The following HEATR1 variants were observed in gnomAD, a reference collection of about 807,000 sequenced individuals.
HEATR1 encodes HEAT repeat containing 1.
In HEATR1, 77 loss-of-function variants were observed where a neutral mutation model predicts 248.2. The ratio of observed to expected loss-of-function variants is 0.31; its 90% CI spans 0.26 to 0.37. The LOEUF (loss-of-function observed/expected upper bound fraction) is 0.37, where lower values mean the gene tolerates loss of function less well. Ranked by LOEUF, HEATR1 falls within the 10% of genes least tolerant of loss-of-function variation. The probability of loss-of-function intolerance (pLI) is 1.00; values close to 1 mark genes in which losing one functional copy is unlikely to be tolerated. For synonymous variants in HEATR1, 897 were observed against 923.1 expected (o/e 0.97, Z 0.51); for missense variants, 2,420 against 2,504.9 (o/e 0.97, Z 0.72).
Position 236,603,288 on chromosome 1 carries a change from C to T in HEATR1, c.231G>A (p.Leu77=). 6.2e-7 allele frequency: 1 copy of T among 1,614,164 alleles called. No homozygotes were observed. The highest frequency in any genetic ancestry group is 1.6e-4 in the Middle Eastern group (1 of 6,062). The change falls in exon 3 of 45, where the codon TTG becomes TTA. Residue 77 remains leucine (L), a synonymous_variant. Transcript: ENST00000366582. ...APLFSQLAKT[L]ERSVQTKAVN... is the part of the protein sequence containing the mutation. ...CTGCTTTGGTCTGAACACTTCGCTCCAAGGTTTTTGCTAGCTGACTGAACA... is the reference window on the plus strand; with the variant it reads ...CTGCTTTGGTCTGAACACTTCGCTCTAAGGTTTTTGCTAGCTGACTGAACA...
intron 5 of HEATR1, 104 bp from the exon 6 acceptor site, chr1:236,597,080 G>T: frequency 1.0e-6 from 1 of 991,442 alleles, no homozygotes; most frequent in Middle Eastern, 3.2e-4. Context: ...AACTATGATG[G>T]CACCACTGTA....
intron 17 of HEATR1, among the ~76,000 whole-genome samples, chr1:236,583,478 ATATT>A (rs1370335512): frequency 1.5e-5 from 2 of 133,582 alleles, no homozygotes; most frequent in African/African-American, 5.3e-5. Context: ...ATAAATAGGC[ATATT>A]TCTTTTTTTT....
At chr1:236,563,698 G>A (rs1047397998) in intron 32 of HEATR1, among the ~76,000 whole-genome samples, 9 of 152,164 alleles carry the variant, frequency 5.9e-5, no homozygotes, top group Non-Finnish European at 1.3e-4. Context: ...GTACTCTAAT[G>A]TCAAACCATT....
intron 8 of HEATR1, 22 bp downstream of exon 8, chr1:236,595,518 C>T: frequency 6.3e-7 from 1 of 1,581,366 alleles, no homozygotes; most frequent in Non-Finnish European, 8.6e-7. Context: ...AATTTCTGGA[C>T]AAAAAATATA....
Position 236,574,171 on chromosome 1 carries a change from T to TA in HEATR1, c.3459+30dup, listed in dbSNP as rs568287056. 7.0e-4 allele frequency: 1,091 copies of TA among 1,568,994 alleles called. 19 individuals are homozygous for TA. In the South Asian group the frequency reaches 0.012, roughly 17 times the overall value. On this transcript the variant is annotated intron_variant, in intron 24 of 44. Coordinates refer to ENST00000366582, the MANE Select transcript of HEATR1 (RefSeq NM_018072.6). ...CCTTGGAAGAGACTATAAACATTAA[T>TA]AAAAAAAATTACAAGAAGTTTGCAG...
At chr1:236,597,720 G>A (rs1239392991) in intron 5 of HEATR1, among the ~76,000 whole-genome samples, 158 bp downstream of exon 5, 2 of 151,088 alleles carry the variant, frequency 1.3e-5, no homozygotes, top group African/African-American at 2.4e-5. Context: ...AAAAAGATAC[G>A]GACTCTCAAA....
chr1:236,578,390 G>A (rs1663622917), intron 20 of HEATR1, among the ~76,000 whole-genome samples: 1 of 152,192 alleles, frequency 6.6e-6, no homozygotes, highest in South Asian at 2.1e-4. Context: ...CATGTTCAAT[G>A]AGAGTGATGA....
rs142968105 is a variant in HEATR1, at chr1:236,587,172, G to A, written c.1715+230C>T. Among the ~76,000 whole-genome samples the A allele has an allele frequency of 2.2e-4, 34 of 152,010 alleles. 1 individual carries two copies. The Middle Eastern group carries it at 0.017, about 77-fold the overall frequency. On this transcript the variant is annotated intron_variant, in intron 14 of 44. Transcript: ENST00000366582. ...TATCATACATTATATACTTCCTTTT[G>A]CATTTTATTAAGAGAAATTCCAAAC...
At chr1:236,554,796 A>C in intron 41 of HEATR1, 44 bp from the exon 42 acceptor site, 1 of 1,513,014 alleles carries the variant, frequency 6.6e-7, no homozygotes, top group Non-Finnish European at 9.0e-7. Flanking sequence ...ACTGAACTTA[A>C]CCATTTAATC....
intron 12 of HEATR1, among the ~76,000 whole-genome samples, chr1:236,590,095 A>G (rs1291017005): frequency 1.3e-5 from 2 of 152,380 alleles, no homozygotes; most frequent in East Asian, 3.9e-4. Context: ...GTCAGCCTCA[A>G]TACATATTTG....
At chr1:236,571,278 C>A in intron 28 of HEATR1, 73 bp downstream of exon 28, 1 of 1,496,580 alleles carries the variant, frequency 6.7e-7, no homozygotes, top group African/African-American at 1.4e-5. Context: ...TTAAAATCAA[C>A]AGGTGCCAGT....
At chr1:236,580,150 C>T (rs1463757552) in intron 20 of HEATR1, among the ~76,000 whole-genome samples, 2 of 152,302 alleles carry the variant, frequency 1.3e-5, no homozygotes, top group Admixed American at 6.5e-5. Flanking sequence ...TTTTCAATAT[C>T]GCATTCATTG....
chr1:236,602,914 C>T (rs1664363524), intron 3 of HEATR1: 1 of 411,932 alleles, frequency 2.4e-6, no homozygotes. Context: ...CCCAGCAAGA[C>T]TCTATCTCAA....
At chr1:236,555,495 G>A (rs757798816) in intron 40 of HEATR1, 31 bp from the exon 41 acceptor site, 16 of 1,613,816 alleles carry the variant, frequency 9.9e-6, no homozygotes, top group East Asian at 4.5e-5. Context: ...TAGTTTCTTC[G>A]ACATCTTGTC....
At chr1:236,559,513 G>A (rs1466849358) in intron 34 of HEATR1, among the ~76,000 whole-genome samples, 1 of 152,118 alleles carries the variant, frequency 6.6e-6, no homozygotes, top group Non-Finnish European at 1.5e-5. Context: ...CGAGGTACAT[G>A]TTCTCATAAC....
At chr1:236,562,288 T>A (rs1663150663) in intron 32 of HEATR1, among the ~76,000 whole-genome samples, 1 of 152,216 alleles carries the variant, frequency 6.6e-6, no homozygotes, top group Non-Finnish European at 1.5e-5. Context: ...AGCCTGTGGC[T>A]TTCTATTGAA....
intron 28 of HEATR1, 83 bp from the exon 29 acceptor site, chr1:236,569,207 G>T: frequency 2.7e-6 from 3 of 1,094,446 alleles, no homozygotes; most frequent in Non-Finnish European, 2.6e-6. Flanking sequence ...GTCTCGCTCC[G>T]TCATTCAGGC....
chr1:236,599,475 A>T lies in HEATR1; in HGVS notation c.501+8T>A. 1.2e-6 allele frequency: 2 copies of T among 1,609,608 alleles called. No individual in the cohort carries two copies. The highest frequency in any genetic ancestry group is 1.7e-6 in the Non-Finnish European group (2 of 1,177,786). ...TGATTACAGACATATGTCATTCAGC[A>T]ATTATACCTTAACTGGCAACAACCA... On this transcript the variant is annotated splice_region_variant and intron_variant, in intron 4 of 44. Coordinates refer to ENST00000366582, the MANE Select transcript of HEATR1 (RefSeq NM_018072.6).
intron 21 of HEATR1, 36 bp from the exon 22 acceptor site, chr1:236,576,413 T>A (rs1663563194): frequency 6.9e-7 from 1 of 1,441,672 alleles, no homozygotes; most frequent in Admixed American, 2.2e-5. Context: ...TAAAAAAGGG[T>A]TAAGAAACTA....
Sources: gnomAD v4.1 joint callset for allele counts (sites outside exome capture counted in the v4.1 genomes callset) on GRCh38, gnomAD v4.1.1 for gene constraint, MANE v1.5 for transcripts, NCBI Gene and HGNC (gene_info 2026-07-23, HGNC 2026-07-21) for gene names.